Variants in TUSC3 observed in about 807,000 individuals in gnomAD.
TUSC3 encodes the protein dolichyl-diphosphooligosaccharide--protein glycosyltransferase subunit TUSC3.
In TUSC3, 45 loss-of-function variants were observed where a neutral mutation model predicts 44.8. That is an observed-to-expected ratio of 1.00 (90% CI 0.79 to 1.29). The LOEUF (loss-of-function observed/expected upper bound fraction) is 1.29, where lower values mean the gene tolerates loss of function less well. Among genes scored for constraint, TUSC3 ranks in the 50% most tolerant of loss-of-function variants. TUSC3 has a pLI of 0.00. For missense variants in TUSC3, 519 were observed against 437.9 expected, an observed-to-expected ratio of 1.19 and a Z score of -1.65; for synonymous variants, 212 against 152.9, an observed-to-expected ratio of 1.39 and a Z score of -2.85.
At chr8:15,672,159 G>A (rs1260633304) in intron 5 of TUSC3, among the ~76,000 whole-genome samples, 1 of 152,044 alleles carries the variant, frequency 6.6e-6, no homozygotes. Context: ...TGCAGTGCCA[G>A]TTAAGGAGCG....
chr8:15,438,848 A>G (rs1248723570), intron 1 of TUSC3, among the ~76,000 whole-genome samples: 1 of 152,226 alleles, frequency 6.6e-6, no homozygotes, highest in Non-Finnish European at 1.5e-5. Context: ...GTGAATATGC[A>G]GAGCCCTGGT....
intron 1 of TUSC3, among the ~76,000 whole-genome samples, chr8:15,609,917 T>C (rs1370701977): frequency 6.6e-6 from 1 of 152,144 alleles, no homozygotes; most frequent in Non-Finnish European, 1.5e-5. Flanking sequence ...TTACCTTCTA[T>C]CTTTCCACTT....
chr8:15,572,424 A>C (rs562535869), intron 1 of TUSC3, among the ~76,000 whole-genome samples: 1 of 152,222 alleles, frequency 6.6e-6, no homozygotes, highest in African/African-American at 2.4e-5. Context: ...GCTTGGTTTA[A>C]GGGGATGTTG....
intron 2 of TUSC3, among the ~76,000 whole-genome samples, chr8:15,510,885 G>A (rs759883969): frequency 6.6e-6 from 1 of 152,116 alleles, no homozygotes; most frequent in Non-Finnish European, 1.5e-5. Context: ...AATTGGCAGA[G>A]GGCTCATGTG....
chr8:15,722,633 C>A (rs1211512510), intron 6 of TUSC3, among the ~76,000 whole-genome samples: 2 of 152,066 alleles, frequency 1.3e-5, no homozygotes, highest in Non-Finnish European at 2.9e-5. Flanking sequence ...CTGCCTGATT[C>A]ACTTCATGTA....
At chr8:15,456,300 A>C (rs1021024924) in intron 1 of TUSC3, among the ~76,000 whole-genome samples, 13 of 152,146 alleles carry the variant, frequency 8.5e-5, no homozygotes, top group Non-Finnish European at 1.5e-4. Context: ...TTGTTTGTGC[A>C]ATGGGCAGGC....
chr8:15,441,789 G>A (rs17657296), intron 1 of TUSC3, among the ~76,000 whole-genome samples: 11,671 of 152,208 alleles, frequency 0.077, 446 homozygotes, highest in East Asian at 0.14. Context: ...GAGTGTTCCA[G>A]ACTGGATGAC....
At chr8:15,682,699 G>C (rs1290124591) in intron 6 of TUSC3, among the ~76,000 whole-genome samples, 1 of 151,984 alleles carries the variant, frequency 6.6e-6, no homozygotes, top group Non-Finnish European at 1.5e-5. Context: ...TGTTAGCTGG[G>C]TTAACTTTTA....
intron 2 of TUSC3, among the ~76,000 whole-genome samples, chr8:15,496,281 C>T (rs1183865018): frequency 1.3e-5 from 2 of 152,178 alleles, no homozygotes; most frequent in East Asian, 1.9e-4. Context: ...ATGTTCTGCC[C>T]TCTGCTAAAG....
intron 1 of TUSC3, among the ~76,000 whole-genome samples, chr8:15,543,260 A>G (rs1365019060): frequency 6.6e-6 from 1 of 152,228 alleles, no homozygotes; most frequent in Non-Finnish European, 1.5e-5. Flanking sequence ...TGACATATGT[A>G]CCAGAGTAGT....
chr8:15,480,118 G>A (rs1456201816), intron 1 of TUSC3, among the ~76,000 whole-genome samples: 1 of 152,068 alleles, frequency 6.6e-6, no homozygotes, highest in Non-Finnish European at 1.5e-5. Context: ...TCTTCAAAGA[G>A]AACTAGGAAA....
At chr8:15,607,247 CA>C (rs1002421591) in intron 1 of TUSC3, among the ~76,000 whole-genome samples, 2 of 151,998 alleles carry the variant, frequency 1.3e-5, no homozygotes, top group African/African-American at 4.8e-5. Flanking sequence ...ATTAGTTACA[CA>C]AATATTTATT....
At chr8:15,531,166 C>T (rs118081910) in intron 2 of TUSC3, among the ~76,000 whole-genome samples, 8 of 152,250 alleles carry the variant, frequency 5.3e-5, no homozygotes, top group African/African-American at 1.7e-4. Flanking sequence ...AAATAAAATC[C>T]CAGGTTCAAA....
chr8:15,514,882 G>C (rs1171022832), intron 2 of TUSC3, among the ~76,000 whole-genome samples: 1 of 152,078 alleles, frequency 6.6e-6, no homozygotes, highest in African/African-American at 2.4e-5. Flanking sequence ...TCAATAAAAT[G>C]GGTATAATAC....
chr8:15,567,431 C>T (rs1182380915), intron 1 of TUSC3, among the ~76,000 whole-genome samples: 2 of 152,052 alleles, frequency 1.3e-5, no homozygotes, highest in Admixed American at 6.5e-5. Flanking sequence ...TGGAAACTTG[C>T]CCAGAGTAGG....
chr8:15,785,648 C>T, the TUSC3 span, among the ~76,000 whole-genome samples: 1 of 152,002 alleles, frequency 6.6e-6, no homozygotes, highest in Non-Finnish European at 1.5e-5. Flanking sequence ...TACCTCCAAC[C>T]ATGCCCCTGC....
chr8:15,751,846 A>T (rs551755171), intron 9 of TUSC3, among the ~76,000 whole-genome samples: 18 of 152,278 alleles, frequency 1.2e-4, no homozygotes, highest in Middle Eastern at 6.8e-3. Context: ...GCTGAGTCAG[A>T]ATCTCCAAGT....
At chr8:15,508,165 G>A (rs1244538823) in intron 2 of TUSC3, among the ~76,000 whole-genome samples, 5 of 152,072 alleles carry the variant, frequency 3.3e-5, no homozygotes, top group Admixed American at 6.6e-5. Flanking sequence ...GCATGAATCC[G>A]GGAGGCAGAG....
Position 15,765,976 on chromosome 8 carries a change from T to C in TUSC3, c.*1820T>C, listed in dbSNP as rs1303762614. The C allele has an allele frequency of 6.6e-6, 1 of 152,122 alleles. No individual in the cohort carries two copies. The highest frequency in any genetic ancestry group is 1.5e-5 in the Non-Finnish European group (1 of 67,984). The allele number at this position is 152,122 out of a possible 1,614,324, so 9.4% of individuals were successfully genotyped here. ...TTAATATGCAGCTGATTAAATGATA[T>C]TACAAATTATCTCTAATCTCACTGT... On this transcript the variant is annotated 3_prime_UTR_variant, in exon 11 of 11. Coordinates refer to ENST00000503731, the MANE Select transcript of TUSC3 (RefSeq NM_006765.4).
Sources: allele counts gnomAD v4.1 joint callset (sites outside exome capture counted in the v4.1 genomes callset), GRCh38; gene constraint gnomAD v4.1.1; transcripts MANE v1.5; gene names NCBI Gene and HGNC (gene_info 2026-07-23, HGNC 2026-07-21).